ANO4: variants seen among roughly 807,000 people sequenced by gnomAD.
ANO4 encodes the protein anoctamin-4.
A neutral mutation model predicts 141.9 loss-of-function variants in ANO4; 69 were observed. The ratio of observed to expected loss-of-function variants is 0.49; its 90% CI spans 0.40 to 0.59. ANO4 has a LOEUF of 0.59. Ranked by LOEUF, ANO4 falls within the 20% of genes least tolerant of loss-of-function variation. The probability of loss-of-function intolerance (pLI) is 0.00; values close to 1 mark genes in which losing one functional copy is unlikely to be tolerated. For synonymous variants in ANO4, 350 were observed against 394.3 expected (o/e 0.89, Z 1.33); for missense variants, 894 against 1,162.2 (o/e 0.77, Z 3.36).
intron 1 of ANO4, among the ~76,000 whole-genome samples, chr12:100,821,602 A>G (rs1214095142): frequency 6.6e-6 from 1 of 151,786 alleles, no homozygotes; most frequent in East Asian, 1.9e-4. Context: ...CACAATATAT[A>G]TGATTTTCCA....
chr12:100,933,594 C>G (rs967159482), intron 3 of ANO4, among the ~76,000 whole-genome samples: 2 of 152,166 alleles, frequency 1.3e-5, no homozygotes, highest in Non-Finnish European at 2.9e-5. Context: ...GAGCATGTGT[C>G]TTTATAGTAG....
intron 1 of ANO4, among the ~76,000 whole-genome samples, chr12:100,849,950 G>A (rs150397054): frequency 1.8e-4 from 28 of 152,254 alleles, no homozygotes; most frequent in African/African-American, 6.5e-4. Context: ...CCATCAAGCA[G>A]ATGGTCTTTC....
chr12:100,846,131 C>A (rs1038441331), intron 1 of ANO4, among the ~76,000 whole-genome samples: 13 of 152,198 alleles, frequency 8.5e-5, no homozygotes, highest in African/African-American at 2.7e-4. Context: ...AATTAACTAG[C>A]AAGGCGTCTA....
At chr12:100,762,373 G>A (rs79868007) in intron 3 of ANO4, among the ~76,000 whole-genome samples, 1,741 of 152,200 alleles carry the variant, frequency 0.011, 37 homozygotes, top group East Asian at 0.068. Flanking sequence ...GCCACCTCAG[G>A]CACAATTTGA....
chr12:100,828,463 C>T (rs1041076436), intron 1 of ANO4, among the ~76,000 whole-genome samples: 1 of 151,988 alleles, frequency 6.6e-6, no homozygotes, highest in Non-Finnish European at 1.5e-5. Context: ...GTGATTCTGT[C>T]TGTGGGTGTT....
chr12:100,834,627 T>C (rs986785698), intron 1 of ANO4, among the ~76,000 whole-genome samples: 13 of 152,246 alleles, frequency 8.5e-5, no homozygotes, highest in Middle Eastern at 3.4e-3. Context: ...TTCCTGGAGC[T>C]TGTATTTTGG....
chr12:100,726,823 G>C (rs1420432190), intron 1 of ANO4, among the ~76,000 whole-genome samples: 1 of 151,964 alleles, frequency 6.6e-6, no homozygotes, highest in Non-Finnish European at 1.5e-5. Flanking sequence ...TGTTTTGCTT[G>C]ATAGAAATAT....
chr12:100,966,701 C>T (rs1205450051), intron 5 of ANO4, among the ~76,000 whole-genome samples: 6 of 151,980 alleles, frequency 3.9e-5, no homozygotes, highest in Non-Finnish European at 1.5e-5. Context: ...ATGCCCAAAC[C>T]TGGTCTGTCT....
chr12:100,850,758 C>A (rs575780556), intron 1 of ANO4, among the ~76,000 whole-genome samples: 87 of 152,038 alleles, frequency 5.7e-4, no homozygotes, highest in Admixed American at 1.7e-3. Flanking sequence ...CATATGAATG[C>A]AGAAATTATT....
Position 101,128,542 on chromosome 12 carries a change from A to G in ANO4, c.*686A>G, listed in dbSNP as rs1226490149. 6.6e-6 allele frequency: 1 copy of G among 152,660 alleles called. No individual in the cohort carries two copies. The highest frequency in any genetic ancestry group is 1.5e-5 in the Non-Finnish European group (1 of 68,042). The allele number at this position is 152,660 out of a possible 1,614,324, so 9.5% of individuals were successfully genotyped here. The stretch of plus-strand genomic sequence containing the variant: ...AAAGTACTGACATGAGTGAATTTTC[A>G]CATTTAAATAGTCATCAATATGAAG... On this transcript the variant is annotated 3_prime_UTR_variant, in exon 28 of 28. Coordinates refer to ENST00000392977, the MANE Select transcript of ANO4 (RefSeq NM_001286615.2).
At chr12:101,071,553 G>T (rs986196682) in intron 14 of ANO4, among the ~76,000 whole-genome samples, 4 of 151,856 alleles carry the variant, frequency 2.6e-5, no homozygotes, top group Admixed American at 6.6e-5. Context: ...GTGTGGTTGG[G>T]GGTGGAGGGC....
At chr12:100,811,385 G>C (rs571589184) in intron 1 of ANO4, among the ~76,000 whole-genome samples, 1 of 152,304 alleles carries the variant, frequency 6.6e-6, no homozygotes, top group Admixed American at 6.5e-5. Flanking sequence ...GAGTGATGCA[G>C]TGCTATCAGT....
At chr12:100,736,094 GA>G (rs1565845181) in intron 2 of ANO4, among the ~76,000 whole-genome samples, 1 of 152,162 alleles carries the variant, frequency 6.6e-6, no homozygotes, top group Admixed American at 6.5e-5. Context: ...TGAGGAGGTT[GA>G]AAATTAAAGT....
rs191988148 is a variant in ANO4 at position 100,782,407 on chromosome 12, A to T, written c.358+42302A>T. Among the ~76,000 whole-genome samples the T allele has an allele frequency of 1.2e-3, 186 of 152,268 alleles. 1 individual carries two copies. The highest frequency in any genetic ancestry group is 4.4e-3 in the African/African-American group (182 of 41,556). The stretch of plus-strand genomic sequence containing the variant: ...ACCTGATTATGGTTAAAAACCATGG[A>T]TTCCTCTTGGCATTTCCTAGTCTGC... On this transcript the variant is annotated intron_variant, in intron 3 of 29. Transcript: ENST00000644049.
intron 5 of ANO4, among the ~76,000 whole-genome samples, chr12:100,954,462 A>C (rs543434549): frequency 6.6e-6 from 1 of 152,236 alleles, no homozygotes; most frequent in South Asian, 2.1e-4. Flanking sequence ...CCCACCTTCC[A>C]TCTGAGCACC....
intron 14 of ANO4, among the ~76,000 whole-genome samples, chr12:101,073,416 A>G (rs1194980569): frequency 6.6e-6 from 1 of 151,964 alleles, no homozygotes; most frequent in Non-Finnish European, 1.5e-5. Context: ...ACCCCAAGGC[A>G]TGTCGTGGGG....
chr12:100,771,983 C>T (rs551264812), intron 3 of ANO4, among the ~76,000 whole-genome samples: 1 of 152,288 alleles, frequency 6.6e-6, no homozygotes, highest in South Asian at 2.1e-4. Flanking sequence ...AAAAATCACA[C>T]ATAGGATTTT....
At chr12:100,737,925 C>T (rs1285152570) in intron 2 of ANO4, among the ~76,000 whole-genome samples, 3 of 151,990 alleles carry the variant, frequency 2.0e-5, no homozygotes, top group African/African-American at 7.2e-5. Flanking sequence ...TAATGTGGTT[C>T]CTAGATGAAC....
At chr12:100,935,095 C>A (rs111242287) in intron 3 of ANO4, among the ~76,000 whole-genome samples, 28 of 152,256 alleles carry the variant, frequency 1.8e-4, no homozygotes, top group African/African-American at 6.3e-4. Context: ...CTTTCTCCTG[C>A]CTGATTGCCC....
Sources: allele counts gnomAD v4.1 joint callset (sites outside exome capture counted in the v4.1 genomes callset), GRCh38; gene constraint gnomAD v4.1.1; transcripts MANE v1.5; gene names NCBI Gene and HGNC (gene_info 2026-07-23, HGNC 2026-07-21).